The following DMXL1 variants were observed in gnomAD, a reference collection of about 807,000 sequenced individuals.
DMXL1 encodes dmX-like protein 1.
DMXL1 carries 99 observed loss-of-function variants against 319.2 expected under a neutral mutation model. That is an observed-to-expected ratio of 0.31 (90% CI 0.26 to 0.37). DMXL1 has a LOEUF of 0.37. Ranked by LOEUF, DMXL1 falls within the 10% of genes least tolerant of loss-of-function variation. The probability of loss-of-function intolerance (pLI) is 1.00; values close to 1 mark genes in which losing one functional copy is unlikely to be tolerated. For missense variants in DMXL1, 3,745 were observed against 3,595.6 expected, an observed-to-expected ratio of 1.04 and a Z score of -1.06; for synonymous variants, 1,385 against 1,235.2, an observed-to-expected ratio of 1.12 and a Z score of -2.54.
chr5:119,096,656 C>T (rs1230996009), intron 1 of DMXL1, among the ~76,000 whole-genome samples: 1 of 152,152 alleles, frequency 6.6e-6, no homozygotes, highest in Non-Finnish European at 1.5e-5. Context: ...ATGGAAAAAA[C>T]TCCCGTGATC....
At chr5:119,111,926 T>C (rs985178839) in intron 5 of DMXL1, among the ~76,000 whole-genome samples, 2 of 152,222 alleles carry the variant, frequency 1.3e-5, no homozygotes, top group African/African-American at 4.8e-5. Context: ...TAGGTGCTCT[T>C]GTATACTGTC....
intron 15 of DMXL1, among the ~76,000 whole-genome samples, chr5:119,145,598 A>G (rs1165887055): frequency 6.6e-6 from 1 of 151,774 alleles, no homozygotes; most frequent in African/African-American, 2.4e-5. Flanking sequence ...TAACAATTTA[A>G]GTCTCTTTAA....
intron 10 of DMXL1, among the ~76,000 whole-genome samples, chr5:119,130,864 A>G (rs1030107929): frequency 2.6e-5 from 4 of 152,116 alleles, no homozygotes; most frequent in Admixed American, 1.3e-4. Context: ...GGGAATTTCC[A>G]GGGAGTGTAG....
chr5:119,179,216 A>C (rs1454401587), intron 28 of DMXL1, among the ~76,000 whole-genome samples: 1 of 151,648 alleles, frequency 6.6e-6, no homozygotes, highest in Non-Finnish European at 1.5e-5. Context: ...GGAGGGCATG[A>C]GGAGTAGCTT....
At chr5:119,102,074 G>A (rs1322578920) in intron 3 of DMXL1, 68 bp downstream of exon 3, 16 of 999,588 alleles carry the variant, frequency 1.6e-5, no homozygotes, top group Non-Finnish European at 2.3e-5. Flanking sequence ...TGTAAAATCA[G>A]AGTGATCATT....
chr5:119,197,750 TTTA>T lies in DMXL1; in HGVS notation c.7544-4_7544-2del. The T allele has an allele frequency of 6.2e-7, 1 of 1,613,822 alleles. No individual in the cohort carries two copies. Reference sequence around the variant, plus strand: ...GATTAATATGAGTCAATGTTCCCATTTTAGAGCTTCCAGTTAGTTCACCTCTTT... The same window carrying T: ...GATTAATATGAGTCAATGTTCCCATTGAGCTTCCAGTTAGTTCACCTCTTT... On this transcript the variant is annotated splice_acceptor_variant and splice_polypyrimidine_tract_variant and intron_variant, in intron 31 of 43. Transcript: ENST00000539542. LOFTEE classifies it high-confidence loss of function.
At chr5:119,104,898 A>G (rs1357928991) in intron 3 of DMXL1, among the ~76,000 whole-genome samples, 1 of 152,236 alleles carries the variant, frequency 6.6e-6, no homozygotes, top group African/African-American at 2.4e-5. Context: ...AACTGTAATA[A>G]TAAAGTAATA....
chr5:119,244,688 T>C, intron 43 of DMXL1, 112 bp downstream of exon 43: 1 of 733,422 alleles, frequency 1.4e-6, no homozygotes, highest in South Asian at 2.1e-5. Context: ...TTAATTCCTT[T>C]GTAGTCAGCA....
At chr5:119,232,953 G>A (rs1282188649) in intron 38 of DMXL1, among the ~76,000 whole-genome samples, 4 of 151,116 alleles carry the variant, frequency 2.6e-5, no homozygotes, top group Admixed American at 1.3e-4. Context: ...TTTTTTCAAA[G>A]AAAAATGTGT....
rs1222163018 is a variant in DMXL1 at position 119,071,763 on chromosome 5, A to AG, written c.87+113dup. 11 of 1,046,580 alleles carry AG rather than the reference A, an allele frequency of 1.1e-5. No homozygotes were observed. The South Asian group carries it at 1.6e-4, about 15-fold the overall frequency. The allele number at this position is 1,046,580 out of a possible 1,614,324, so 64.8% of individuals were successfully genotyped here. A position where few individuals can be genotyped will look rare whatever the true frequency, so the allele number is the denominator to read the frequency against. On this transcript the variant is annotated intron_variant, in intron 1 of 43. Coordinates refer to ENST00000539542, the MANE Select transcript of DMXL1 (RefSeq NM_001290321.3). ...CAGAGGCGCGAGGTCTTGTCTCCCC[A>AG]GGGGGGTCCTTACCACCCAGAACCC...
rs1761418464 is a variant in DMXL1 at position 119,118,842 on chromosome 5, T to G, written c.771T>G (p.Thr257=). The G allele has an allele frequency of 6.2e-7, 1 of 1,613,284 alleles. No homozygotes were observed. The highest frequency in any genetic ancestry group is 1.7e-5 in the Admixed American group (1 of 59,814). ...CTTCTGTATGTAATGTACTGTTGAC[T>G]TGCTGCAAAGATAATGTGTGTCGTC... ...PRASVCNVLL[T]CCKDNVCRLW... Residue 257 remains threonine, a synonymous_variant, in exon 8 of 44, where the codon ACT becomes ACG. Transcript: ENST00000539542.
At chr5:119,145,487 A>G (rs1353493085) in intron 15 of DMXL1, among the ~76,000 whole-genome samples, 1 of 151,776 alleles carries the variant, frequency 6.6e-6, no homozygotes, top group Non-Finnish European at 1.5e-5. Flanking sequence ...GTATGCTAAA[A>G]ATGGGGATTA....
intron 9 of DMXL1, among the ~76,000 whole-genome samples, chr5:119,122,089 T>C (rs1580827729): frequency 1.6e-5 from 2 of 124,188 alleles, no homozygotes; most frequent in African/African-American, 3.1e-5. Flanking sequence ...GGCGGGGGGC[T>C]GACCCCCCCA....
At chr5:119,200,567 C>T (rs932007144) in intron 32 of DMXL1, among the ~76,000 whole-genome samples, 9 of 152,062 alleles carry the variant, frequency 5.9e-5, no homozygotes, top group Middle Eastern at 3.2e-3. Flanking sequence ...TTTTTACGTT[C>T]CATATTAATT....
intron 35 of DMXL1, among the ~76,000 whole-genome samples, chr5:119,218,345 C>T (rs1207337474): frequency 6.6e-6 from 1 of 152,158 alleles, no homozygotes; most frequent in Non-Finnish European, 1.5e-5. Context: ...TAATGAATAG[C>T]TATTCACATA....
At position 119,149,598 on chromosome 5, in the gene DMXL1, G is replaced by T; in HGVS notation, c.3771G>T (p.Gly1257=). ...CTGTTATAACAGATTCGTACAGTGG[G>T]AGCACTCCATCTATAACAAGTTTAA... The part of the protein sequence containing the change: ...QEPVITDSYS[G]STPSITSLIK... Residue 1257 remains glycine (G), a synonymous_variant, in exon 18 of 44, where the codon GGG becomes GGT. Coordinates refer to ENST00000539542, the MANE Select transcript of DMXL1 (RefSeq NM_001290321.3). The T allele has an allele frequency of 6.2e-7, 1 of 1,613,870 alleles. No homozygotes were observed. Among genetic ancestry groups the T allele is most frequent in the Non-Finnish European group, 8.5e-7 (1 of 1,179,914 alleles).
chr5:119,227,380 A>G (rs1028910194), intron 38 of DMXL1, among the ~76,000 whole-genome samples: 6 of 152,190 alleles, frequency 3.9e-5, no homozygotes, highest in Non-Finnish European at 8.8e-5. Flanking sequence ...CTGGAACATT[A>G]ATAAGGAATC....
intron 15 of DMXL1, among the ~76,000 whole-genome samples, chr5:119,146,166 C>G (rs1232288441): frequency 6.6e-6 from 1 of 151,708 alleles, no homozygotes; most frequent in Non-Finnish European, 1.5e-5. Context: ...TTTACATGTT[C>G]TACGATTTAT....
At chr5:119,195,578 TGGG>T (rs973041796) in intron 30 of DMXL1, among the ~76,000 whole-genome samples, 1 of 151,974 alleles carries the variant, frequency 6.6e-6, no homozygotes, top group African/African-American at 2.4e-5. Flanking sequence ...GGGCTGGTGG[TGGG>T]GGGAGAATGG....
Sources: gnomAD v4.1 joint callset for allele counts (sites outside exome capture counted in the v4.1 genomes callset) on GRCh38, gnomAD v4.1.1 for gene constraint, MANE v1.5 for transcripts, NCBI Gene and HGNC (gene_info 2026-07-23, HGNC 2026-07-21) for gene names.